Variants in IGDCC4 observed in about 807,000 individuals in gnomAD.
IGDCC4 encodes the protein immunoglobulin superfamily DCC subclass member 4, also known as likely ortholog of mouse neighbor of Punc E11.
IGDCC4 carries 72 observed loss-of-function variants against 116.6 expected under a neutral mutation model. That is an observed-to-expected ratio of 0.62 (90% CI 0.51 to 0.75). IGDCC4 has a LOEUF of 0.75. Ranked by LOEUF, IGDCC4 falls within the 30% of genes least tolerant of loss-of-function variation. The pLI is 0.00. For synonymous variants in IGDCC4, 709 were observed against 719.9 expected (o/e 0.98, Z 0.24); for missense variants, 1,501 against 1,662.4 (o/e 0.90, Z 1.69).
At chr15:65,386,506 C>T (rs2091460067) in intron 17 of IGDCC4, 45 bp downstream of exon 17, 2 of 1,508,014 alleles carry the variant, frequency 1.3e-6, no homozygotes, top group Non-Finnish European at 9.0e-7. Context: ...GCAGCCCTTC[C>T]TGGAAGTCTC....
chr15:65,389,501 C>G, intron 13 of IGDCC4, 90 bp from the exon 14 acceptor site: 4 of 1,571,512 alleles, frequency 2.5e-6, no homozygotes, highest in Non-Finnish European at 3.5e-6. Context: ...CAGTCAGCCC[C>G]AGCCCCAGGC....
At chr15:65,405,749 G>C (rs1037363680) in intron 3 of IGDCC4, among the ~76,000 whole-genome samples, 3 of 151,948 alleles carry the variant, frequency 2.0e-5, no homozygotes, top group African/African-American at 7.3e-5. Flanking sequence ...CTGTAAAGTT[G>C]GTATACTCTA....
chr15:65,401,589 C>T lies in IGDCC4; in HGVS notation c.701-643G>A, dbSNP rs1384635907. ...AAGCCCAGAAGGAACAGGATGGGGACGGGGTGGGAGTGCAGAGAGTGGGTG... is the reference window on the plus strand; with the variant it reads ...AAGCCCAGAAGGAACAGGATGGGGATGGGGTGGGAGTGCAGAGAGTGGGTG... On this transcript the variant is annotated intron_variant, in intron 4 of 19. Transcript: ENST00000352385. 8.3e-5 allele frequency among the ~76,000 whole-genome samples: 11 copies of T among 132,506 alleles called. No individual in the cohort carries two copies. The East Asian group carries it at 1.8e-3, about 21-fold the overall frequency. The allele number at this position is 132,506 out of a possible 152,430, so 86.9% of individuals were successfully genotyped here.
chr15:65,395,146 C>T lies in IGDCC4; in HGVS notation c.1524G>A (p.Gln508=), dbSNP rs1261562513. 5 of 1,613,724 alleles carry T rather than the reference C, an allele frequency of 3.1e-6. No homozygotes were observed. The highest frequency in any genetic ancestry group is 4.2e-6 in the Non-Finnish European group (5 of 1,179,820). The change falls in exon 8 of 20, where the codon CAG becomes CAA. Residue 508 remains glutamine (Q), a synonymous_variant. Transcript: ENST00000352385. ...GGGTGGAGGTGCGGCTGGCTCCCAG[C>T]TGGGAGTAGGCCACCACGTAGAACT... ...DYEFYVVAYS[Q]LGASRTSTPA...
rs2062997266 is a variant in IGDCC4, at chr15:65,402,460, A to T, written c.591T>A (p.Leu197=). ...PRLIVLPNGV[L]QILDVQESDA... is the part of the protein sequence containing the mutation. The stretch of plus-strand genomic sequence containing the variant: ...CACTCTCCTGAACATCCAGGATCTG[A>T]AGGACGCCGTTGGGAAGCACGATGA... The change falls in exon 4 of 20, where the codon CTT becomes CTA. Residue 197 remains leucine (L), a synonymous_variant. Coordinates refer to ENST00000352385, the MANE Select transcript of IGDCC4 (RefSeq NM_020962.3). The T allele has an allele frequency of 6.4e-7, 1 of 1,567,144 alleles. No homozygotes were observed. Among genetic ancestry groups the T allele is most frequent in the Non-Finnish European group, 8.7e-7 (1 of 1,155,264 alleles).
In IGDCC4 at chr15:65,422,885, C is replaced by T; in HGVS notation, c.-23G>A. ...CATGGGGCTGGGCTCGGGCCGCCGCCGCCGCCGCCGCCTCCCCGTGCTTCG... is the reference window on the plus strand; with the variant it reads ...CATGGGGCTGGGCTCGGGCCGCCGCTGCCGCCGCCGCCTCCCCGTGCTTCG... On this transcript the variant is annotated 5_prime_UTR_variant, in exon 1 of 20. Transcript: ENST00000352385. 9.5e-7 allele frequency: 1 copy of T among 1,055,290 alleles called. No individual in the cohort carries two copies. Among genetic ancestry groups the T allele is most frequent in the South Asian group, 4.4e-5 (1 of 22,820 alleles). The allele number at this position is 1,055,290 out of a possible 1,614,324, so 65.4% of individuals were successfully genotyped here. A position where few individuals can be genotyped will look rare whatever the true frequency, so the allele number is the denominator to read the frequency against.
intron 1 of IGDCC4, among the ~76,000 whole-genome samples, chr15:65,421,170 G>A (rs1284081425): frequency 6.6e-6 from 1 of 152,158 alleles, no homozygotes; most frequent in Admixed American, 6.5e-5. Flanking sequence ...TGCTTTGTGC[G>A]TTCGGGAGCA....
Position 65,395,184 on chromosome 15 carries a change from T to C in IGDCC4, c.1486A>G (p.Asn496Asp), listed in dbSNP as rs781777023. ...ACCACGTAGAACTCATAATCTGTGT[T>C]GGGTTCCAGGTCCCGAACCTGTAGT... ...TELQVRDLEP[N>D]TDYEFYVVAY... The change falls in exon 8 of 20, where the codon AAC becomes GAC. Residue 496 changes from asparagine (N) to aspartate (D), a missense_variant. Coordinates refer to ENST00000352385, the MANE Select transcript of IGDCC4 (RefSeq NM_020962.3). The C allele has an allele frequency of 2.3e-5, 37 of 1,613,986 alleles. No individual in the cohort carries two copies. The East Asian group carries it at 8.2e-4, about 36-fold the overall frequency.
intron 3 of IGDCC4, among the ~76,000 whole-genome samples, 167 bp from the exon 4 acceptor site, chr15:65,402,654 G>T (rs1222585190): frequency 6.6e-6 from 1 of 152,168 alleles, no homozygotes; most frequent in Non-Finnish European, 1.5e-5. Flanking sequence ...AATCACATGA[G>T]GTCGGGAGTT....
intron 1 of IGDCC4, among the ~76,000 whole-genome samples, chr15:65,421,582 G>GGCC (rs2063190802): frequency 6.6e-6 from 1 of 152,164 alleles, no homozygotes; most frequent in Non-Finnish European, 1.5e-5. Context: ...GCCTGGGGCT[G>GGCC]GCCAGGCGGA....
In IGDCC4 at chr15:65,384,803, C is replaced by T; in HGVS notation, c.3342+151G>A. 7.6e-6 allele frequency: 8 copies of T among 1,048,164 alleles called. No homozygotes were observed. The highest frequency in any genetic ancestry group is 1.1e-5 in the Non-Finnish European group (8 of 744,276). 64.9% of individuals were successfully genotyped at this position (1,048,164 alleles called of 1,614,324 possible). A position where few individuals can be genotyped will look rare whatever the true frequency, so the allele number is the denominator to read the frequency against. The stretch of plus-strand genomic sequence containing the variant: ...TGCAAACTGGCCTGCCCTCCACCTA[C>T]TCAACCTTTGGAGGCTCCAGGGGTC... On this transcript the variant is annotated intron_variant, in intron 19 of 19. Coordinates refer to ENST00000352385, the MANE Select transcript of IGDCC4 (RefSeq NM_020962.3). The surrounding 1 kb of genome is among the most constrained non-coding windows in gnomAD (Gnocchi z 4.9).
rs1210228062 is a variant in IGDCC4 at position 65,391,933 on chromosome 15, T to C, written c.2171A>G (p.Glu724Gly). ...CTTCCACACTGCTGCATAGCCATCC[T>C]CATGTTTGTTGAAAGCCACGAGCTT... ...EVKLVAFNKHEDGYAAVWKGK... is the reference protein window; with the variant it reads ...EVKLVAFNKHGDGYAAVWKGK... Residue 724 changes from glutamate (E) to glycine (G), a missense_variant, in exon 12 of 20, where the codon GAG (glutamate) becomes GGG (glycine). By Grantham distance (98) the Glu-to-Gly change is moderately conservative (BLOSUM62 -2). Around this residue, in one of 3 missense-constraint regions of IGDCC4, gnomAD observed 898 missense variants for 978.9 expected, o/e 0.92. Transcript: ENST00000352385. The C allele has an allele frequency of 2.5e-6, 4 of 1,613,404 alleles. No individual in the cohort carries two copies. The South Asian group carries it at 4.4e-5, about 18-fold the overall frequency.
chr15:65,385,231 C>T, intron 18 of IGDCC4, 116 bp from the exon 19 acceptor site: 1 of 1,082,238 alleles, frequency 9.2e-7, no homozygotes, highest in Non-Finnish European at 1.3e-6. Flanking sequence ...GACTGTCACC[C>T]GCTGCTCTCT....
intron 10 of IGDCC4, 126 bp from the exon 11 acceptor site, chr15:65,392,496 C>A: frequency 1.4e-6 from 1 of 712,484 alleles, no homozygotes; most frequent in Non-Finnish European, 2.3e-6. Flanking sequence ...TCAGTGAGAG[C>A]CTTTTGCCAG....
At chr15:65,385,658 G>A (rs1407274880) in intron 18 of IGDCC4, 173 bp downstream of exon 18, 1 of 693,182 alleles carries the variant, frequency 1.4e-6, no homozygotes, top group African/African-American at 1.8e-5. Context: ...GGATATGGAG[G>A]CCCATGTGCT....
chr15:65,381,801 T>TAAC lies in IGDCC4; in HGVS notation c.*2205_*2207dup, dbSNP rs878871494. Reference sequence around the variant, plus strand: ...AAATACTGCTACAAAGACACAAACCTAACACTTCCAAATTACCCAGAGCCC... The same window carrying TAAC: ...AAATACTGCTACAAAGACACAAACCTAACAACACTTCCAAATTACCCAGAGCCC... On this transcript the variant is annotated 3_prime_UTR_variant, in exon 20 of 20. Transcript: ENST00000352385. The TAAC allele has an allele frequency of 1.3e-5, 2 of 152,564 alleles. No individual in the cohort carries two copies. The highest frequency in any genetic ancestry group is 4.1e-4 in the South Asian group (2 of 4,830). The allele number at this position is 152,564 out of a possible 1,614,324, so 9.5% of individuals were successfully genotyped here.
Position 65,383,186 on chromosome 15 carries a change from G to A in IGDCC4, c.*823C>T, listed in dbSNP as rs574603077. ...GGTAGTCACGTTGTTAGAGAAGGAT[G>A]CAGAGTTTGAACCCAGGCAGGAGAA... On this transcript the variant is annotated 3_prime_UTR_variant, in exon 20 of 20. Coordinates refer to ENST00000352385, the MANE Select transcript of IGDCC4 (RefSeq NM_020962.3). 1 of 153,116 alleles carries A rather than the reference G, an allele frequency of 6.5e-6. No individual in the cohort carries two copies. The highest frequency in any genetic ancestry group is 2.4e-5 in the African/African-American group (1 of 41,602). The allele number at this position is 153,116 out of a possible 1,614,324, so 9.5% of individuals were successfully genotyped here.
intron 3 of IGDCC4, among the ~76,000 whole-genome samples, chr15:65,406,815 C>A (rs1489522184): frequency 6.6e-6 from 1 of 152,120 alleles, no homozygotes; most frequent in African/African-American, 2.4e-5. Flanking sequence ...AAACTGGCAG[C>A]TCTGGCCTCC....
At chr15:65,386,148 G>A (rs1054916185) in intron 17 of IGDCC4, 89 bp from the exon 18 acceptor site, 23 of 829,782 alleles carry the variant, frequency 2.8e-5, no homozygotes, top group Non-Finnish European at 4.3e-5. Flanking sequence ...TCTCTGGGGA[G>A]GTTCCTGCCC....
Sources: allele counts gnomAD v4.1 joint callset (sites outside exome capture counted in the v4.1 genomes callset), GRCh38; gene constraint gnomAD v4.1.1; regional missense constraint gnomAD v4.1.1; non-coding constraint Gnocchi (gnomAD v3.1); transcripts MANE v1.5; gene names NCBI Gene and HGNC (gene_info 2026-07-23, HGNC 2026-07-21).